Variants in PIK3R3 observed in about 807,000 individuals in gnomAD.
PIK3R3 encodes the protein phosphoinositide-3-kinase regulatory subunit 3, also known as phosphatidylinositol 3-kinase regulatory subunit gamma.
Under a neutral mutation model 62.9 loss-of-function variants are expected in PIK3R3, and 64 were observed. The ratio of observed to expected loss-of-function variants is 1.02; its 90% confidence interval spans 0.83 to 1.25. The LOEUF is 1.25. Ranked by LOEUF, PIK3R3 falls within the 50% of genes most tolerant of loss-of-function variation. The pLI, the probability that PIK3R3 is intolerant of heterozygous loss-of-function variation, is 0.00. For synonymous variants in PIK3R3, 165 were observed against 189.0 expected (o/e 0.87, Z 1.04); for missense variants, 614 against 561.6 (o/e 1.09, Z -0.94).
intron 1 of PIK3R3, among the ~76,000 whole-genome samples, chr1:46,093,783 A>G (rs1651859589): frequency 6.6e-6 from 1 of 150,464 alleles, no homozygotes; most frequent in Admixed American, 6.7e-5. Flanking sequence ...TGAACCCAGG[A>G]GGCAGAGTTT....
In PIK3R3 at chr1:46,046,014, T is replaced by C. The variant is rs775490161; in HGVS notation, c.1091A>G (p.Asn364Ser). 1.1e-5 allele frequency: 18 copies of C among 1,612,602 alleles called. No homozygotes were observed. The highest frequency in any genetic ancestry group is 1.4e-5 in the Non-Finnish European group (16 of 1,178,760). ...AAGCAAGTCCTCTGCTTGTACTCGA[T>C]TGATATCCTCAACAAACCAGGTTTT... Reference protein sequence around the residue: ...DEKTWFVEDINRVQAEDLLYG... With the variant: ...DEKTWFVEDISRVQAEDLLYG... Residue 364 changes from asparagine (N) to serine (S), a missense_variant, in exon 9 of 10, where the codon AAT (asparagine) becomes AGT (serine). By Grantham distance (46) the Asn-to-Ser change is conservative. Coordinates refer to ENST00000262741, the MANE Select transcript of PIK3R3 (RefSeq NM_003629.4).
At chr1:46,068,671 T>A (rs1557575873) in intron 3 of PIK3R3, among the ~76,000 whole-genome samples, 2 of 152,092 alleles carry the variant, frequency 1.3e-5, no homozygotes. Context: ...GGAAGTTTCC[T>A]AGAGAGAGGT....
At chr1:46,132,630 G>C (rs1002577914), upstream of PIK3R3, 2 of 1,289,524 alleles carry the variant, frequency 1.6e-6, no homozygotes, top group Non-Finnish European at 2.0e-6. Flanking sequence ...AGCTCTGCCC[G>C]GACTCCAGCC....
At chr1:46,074,317 AC>A (rs1264124831) in intron 3 of PIK3R3, among the ~76,000 whole-genome samples, 1,702 of 40,906 alleles carry the variant, frequency 0.042, 434 homozygotes, top group Non-Finnish European at 0.054. Flanking sequence ...AAAAAAAAAA[AC>A]CAATAAATTC....
the PIK3R3 span, among the ~76,000 whole-genome samples, chr1:46,173,943 G>A: frequency 6.6e-6 from 1 of 152,138 alleles, no homozygotes; most frequent in Non-Finnish European, 1.5e-5. Context: ...GGGAAGTCTG[G>A]TGAGTGTGTC....
chr1:46,098,571 G>A (rs1652362040), intron 1 of PIK3R3, among the ~76,000 whole-genome samples: 2 of 152,334 alleles, frequency 1.3e-5, no homozygotes, highest in South Asian at 4.1e-4. Context: ...ATTATGCTAA[G>A]TGAAAGAAGT....
At chr1:46,068,215 C>T (rs1649181319) in intron 3 of PIK3R3, among the ~76,000 whole-genome samples, 1 of 152,150 alleles carries the variant, frequency 6.6e-6, no homozygotes, top group Non-Finnish European at 1.5e-5. Flanking sequence ...TAATCATATA[C>T]AGTTACTATA....
the PIK3R3 span, among the ~76,000 whole-genome samples, chr1:46,152,603 C>G: frequency 6.8e-6 from 1 of 147,102 alleles, no homozygotes; most frequent in South Asian, 2.2e-4. Context: ...CACTCTGTCG[C>G]CCAGGCTGGA....
At chr1:46,127,470 T>C (rs1269764465) in intron 1 of PIK3R3, among the ~76,000 whole-genome samples, 1 of 152,060 alleles carries the variant, frequency 6.6e-6, no homozygotes, top group Middle Eastern at 3.2e-3. Context: ...TTTATTACAT[T>C]TTCCTAAAAT....
chr1:46,051,858 G>C (rs1443088305), intron 7 of PIK3R3, among the ~76,000 whole-genome samples: 1 of 152,066 alleles, frequency 6.6e-6, no homozygotes, highest in African/African-American at 2.4e-5. Flanking sequence ...TATAAATTAA[G>C]CATAGTAAGG....
the PIK3R3 span, among the ~76,000 whole-genome samples, chr1:46,161,965 A>G: frequency 2.5e-4 from 38 of 151,778 alleles, no homozygotes; most frequent in African/African-American, 8.5e-4. Context: ...GGTGGCGGGC[A>G]CCTGTAGTCC....
intron 6 of PIK3R3, among the ~76,000 whole-genome samples, chr1:46,057,885 T>C (rs1648082291): frequency 6.6e-6 from 1 of 152,278 alleles, no homozygotes; most frequent in South Asian, 2.1e-4. Flanking sequence ...TCAAGCCGGC[T>C]GCAGAAATTT....
At chr1:46,137,859 A>T (rs1655985223), upstream of PIK3R3, among the ~76,000 whole-genome samples, 1 of 152,204 alleles carries the variant, frequency 6.6e-6, no homozygotes, top group Admixed American at 6.5e-5. Context: ...CTAAGTTCAA[A>T]TTATCCTAGT....
At chr1:46,133,850 T>G (rs1655826998), upstream of PIK3R3, among the ~76,000 whole-genome samples, 1 of 151,934 alleles carries the variant, frequency 6.6e-6, no homozygotes, top group Non-Finnish European at 1.5e-5. Flanking sequence ...GCATGTGTAA[T>G]TTCTAAGATA....
At chr1:46,148,445 T>C in the PIK3R3 span, among the ~76,000 whole-genome samples, 2 of 152,210 alleles carry the variant, frequency 1.3e-5, no homozygotes, top group South Asian at 4.1e-4. Context: ...AACTAGCAAC[T>C]CTTTCCAGCA....
the PIK3R3 span, among the ~76,000 whole-genome samples, chr1:46,153,662 G>A: frequency 2.0e-5 from 3 of 152,184 alleles, no homozygotes; most frequent in African/African-American, 4.8e-5. Flanking sequence ...TGTTAGAATC[G>A]GATGTGGGAA....
intron 1 of PIK3R3, among the ~76,000 whole-genome samples, chr1:46,110,490 A>G (rs554603261): frequency 6.6e-6 from 1 of 151,406 alleles, no homozygotes; most frequent in African/African-American, 2.4e-5. Context: ...TTTCCATGAA[A>G]CTTTCCCTCA....
intron 1 of PIK3R3, chr1:46,104,925 C>CAAAA (rs757829828): frequency 5.4e-3 from 1,055 of 194,638 alleles, no homozygotes; most frequent in Admixed American, 7.4e-3. Context: ...AAGACTCCAT[C>CAAAA]AAAAAAAAAA....
At position 46,042,224 on chromosome 1, in the gene PIK3R3, T is replaced by C. The variant is rs1647009936; in HGVS notation, c.*1449A>G. 1 of 225,732 alleles carries C rather than the reference T, an allele frequency of 4.4e-6. No individual in the cohort carries two copies. Among genetic ancestry groups the C allele is most frequent in the Non-Finnish European group, 8.8e-6 (1 of 113,304 alleles). 14.0% of individuals were successfully genotyped at this position (225,732 alleles called of 1,614,324 possible). A position where few individuals can be genotyped will look rare whatever the true frequency, so the allele number is the denominator to read the frequency against. On this transcript the variant is annotated 3_prime_UTR_variant, in exon 10 of 10. Transcript: ENST00000262741. The surrounding 1 kb of genome is among the most constrained non-coding windows in gnomAD (Gnocchi z 4.3). ...CCTGCCCCCACTCCATTTGCCTAGC[T>C]TCACTCAGCTGGAAGGCTTAAGCCA...
Sources: gnomAD v4.1 joint callset for allele counts (sites outside exome capture counted in the v4.1 genomes callset) on GRCh38, gnomAD v4.1.1 for gene constraint, Gnocchi (gnomAD v3.1) non-coding constraint, MANE v1.5 for transcripts, NCBI Gene and HGNC (gene_info 2026-07-23, HGNC 2026-07-21) for gene names.